Variants in HMGCLL1 observed in about 807,000 individuals in gnomAD.
HMGCLL1 encodes 3-hydroxy-3-methylglutaryl-CoA lyase like 1, also known as 3-hydroxymethyl-3-methylglutaryl-CoA lyase, cytoplasmic.
In HMGCLL1, 36 loss-of-function variants were observed where a neutral mutation model predicts 39.1. The observed-to-expected ratio is 0.92, with a 90% confidence interval of 0.71 to 1.22. The LOEUF (loss-of-function observed/expected upper bound fraction) is 1.22. Among genes scored for constraint, HMGCLL1 ranks in the 50% most tolerant of loss-of-function variants. The probability of loss-of-function intolerance (pLI) is 0.00; values close to 1 mark genes in which losing one functional copy is unlikely to be tolerated. For missense variants in HMGCLL1, 451 were observed against 416.5 expected (o/e 1.08, Z -0.72); for synonymous variants, 149 against 144.0 (o/e 1.03, Z -0.25).
chr6:55,463,871 C>G (rs909791043), intron 7 of HMGCLL1, among the ~76,000 whole-genome samples: 1 of 152,050 alleles, frequency 6.6e-6, no homozygotes, highest in Admixed American at 6.6e-5. Flanking sequence ...TAAGTCTCAC[C>G]TCCAGGGCAA....
chr6:55,617,385 CAGA>C, the HMGCLL1 span, among the ~76,000 whole-genome samples: 5 of 152,002 alleles, frequency 3.3e-5, no homozygotes, highest in East Asian at 1.9e-4. Flanking sequence ...AGCATATGCA[CAGA>C]AGAAGGAGTT....
the HMGCLL1 span, among the ~76,000 whole-genome samples, chr6:55,619,967 C>T: frequency 6.6e-6 from 1 of 152,104 alleles, no homozygotes; most frequent in Non-Finnish European, 1.5e-5. Context: ...TGGCTTATAT[C>T]GCTTAACATA....
the HMGCLL1 span, among the ~76,000 whole-genome samples, chr6:55,674,893 T>A: frequency 6.6e-6 from 1 of 152,082 alleles, no homozygotes; most frequent in Non-Finnish European, 1.5e-5. Flanking sequence ...AAATTAGACA[T>A]CTGCTGAGTT....
intron 3 of HMGCLL1, among the ~76,000 whole-genome samples, chr6:55,518,856 G>A (rs1767887090): frequency 6.6e-6 from 1 of 152,064 alleles, no homozygotes; most frequent in South Asian, 2.1e-4. Context: ...TGTCCCCCAT[G>A]TCCTGTTCAA....
chr6:55,563,307 TA>T (rs1771049227), intron 1 of HMGCLL1, among the ~76,000 whole-genome samples: 1 of 152,036 alleles, frequency 6.6e-6, no homozygotes, highest in Non-Finnish European at 1.5e-5. Context: ...AGCCAAAATG[TA>T]AAAAATAAAA....
upstream of HMGCLL1, among the ~76,000 whole-genome samples, chr6:55,584,098 G>A (rs909394105): frequency 2.0e-5 from 3 of 152,018 alleles, no homozygotes; most frequent in Non-Finnish European, 4.4e-5. Flanking sequence ...AGCAAGGCCT[G>A]TGCCTTCTTG....
At chr6:55,576,519 G>T (rs780720322) in intron 1 of HMGCLL1, among the ~76,000 whole-genome samples, 1 of 152,170 alleles carries the variant, frequency 6.6e-6, no homozygotes, top group Non-Finnish European at 1.5e-5. Context: ...CAGAGAAATA[G>T]CATTATTTTA....
chr6:55,583,936 A>G (rs1029924827), upstream of HMGCLL1, among the ~76,000 whole-genome samples: 3 of 152,144 alleles, frequency 2.0e-5, no homozygotes, highest in African/African-American at 7.2e-5. Context: ...TCTCAACCAC[A>G]GAACCAGGTG....
intron 3 of HMGCLL1, among the ~76,000 whole-genome samples, chr6:55,537,308 A>T (rs975298219): frequency 6.6e-6 from 1 of 152,210 alleles, no homozygotes; most frequent in East Asian, 1.9e-4. Flanking sequence ...AGGCACACTG[A>T]TCTTTTACAA....
At chr6:55,502,550 T>C (rs939375447) in intron 5 of HMGCLL1, among the ~76,000 whole-genome samples, 11 of 151,772 alleles carry the variant, frequency 7.2e-5, no homozygotes, top group African/African-American at 2.4e-4. Context: ...TTTTCTCAAA[T>C]CTTAATTGCA....
chr6:55,508,864 G>T (rs1561925362), intron 5 of HMGCLL1, among the ~76,000 whole-genome samples: 1 of 151,264 alleles, frequency 6.6e-6, no homozygotes, highest in Admixed American at 6.6e-5. Flanking sequence ...TCTTGCCCAG[G>T]TATGGCAAGG....
At chr6:55,436,187 A>T (rs1763366407) in intron 8 of HMGCLL1, among the ~76,000 whole-genome samples, 1 of 151,984 alleles carries the variant, frequency 6.6e-6, no homozygotes, top group Non-Finnish European at 1.5e-5. Flanking sequence ...AAAGAAACAA[A>T]CTTGAAAAAG....
chr6:55,497,976 G>C (rs1766667284), intron 6 of HMGCLL1, among the ~76,000 whole-genome samples: 1 of 152,168 alleles, frequency 6.6e-6, no homozygotes, highest in South Asian at 2.1e-4. Context: ...TAATTTCAGA[G>C]AGAAGAGAGT....
chr6:55,464,507 T>C lies in HMGCLL1; in HGVS notation c.796-24948A>G, dbSNP rs546366313. Reference sequence around the variant, plus strand: ...CCAAGTTCTCCAAAACACAAGCAAATTGCATGACAATAATTAGCCTCACAC... The same window carrying C: ...CCAAGTTCTCCAAAACACAAGCAAACTGCATGACAATAATTAGCCTCACAC... On this transcript the variant is annotated intron_variant, in intron 7 of 8. Transcript: ENST00000274901. Among the ~76,000 whole-genome samples the C allele has an allele frequency of 9.9e-5, 15 of 152,188 alleles. No individual in the cohort carries two copies. In the South Asian group the frequency reaches 3.1e-3, roughly 32 times the overall value.
intron 7 of HMGCLL1, among the ~76,000 whole-genome samples, chr6:55,477,335 TATATATTATATTTAG>T (rs1460257068): frequency 2.0e-4 from 7 of 35,646 alleles, no homozygotes; most frequent in Non-Finnish European, 2.8e-4. Flanking sequence ...TATTATATAA[TATATATTATATTTAG>T]ATAATATATA....
chr6:55,446,740 T>C (rs1455696967), intron 7 of HMGCLL1, among the ~76,000 whole-genome samples: 1 of 151,936 alleles, frequency 6.6e-6, no homozygotes, highest in African/African-American at 2.4e-5. Context: ...ATAAAATGAA[T>C]ACATACAACA....
intron 7 of HMGCLL1, among the ~76,000 whole-genome samples, chr6:55,478,461 AATTTACACATTTACTGAGC>A (rs1197852569): frequency 6.6e-6 from 1 of 151,468 alleles, no homozygotes; most frequent in East Asian, 1.9e-4. Context: ...GTAGAGAGAA[AATTTACACATTTACTGAGC>A]AGTGACTTCT....
chr6:55,457,043 G>A (rs899632681), intron 7 of HMGCLL1, among the ~76,000 whole-genome samples: 2 of 152,036 alleles, frequency 1.3e-5, no homozygotes, highest in African/African-American at 4.8e-5. Flanking sequence ...TTTTTTGTCC[G>A]ATGTTCAGTT....
chr6:55,457,941 AAG>A (rs1270555379), intron 7 of HMGCLL1, among the ~76,000 whole-genome samples: 1 of 152,116 alleles, frequency 6.6e-6, no homozygotes, highest in Non-Finnish European at 1.5e-5. Flanking sequence ...TTGTGGGAGG[AAG>A]AGAGAAGGAT....
Sources: allele counts gnomAD v4.1 joint callset (sites outside exome capture counted in the v4.1 genomes callset), GRCh38; gene constraint gnomAD v4.1.1; transcripts MANE v1.5; gene names NCBI Gene and HGNC (gene_info 2026-07-23, HGNC 2026-07-21).